The following ARHGAP32 variants were observed in gnomAD, a reference collection of about 807,000 sequenced individuals.
ARHGAP32 encodes the protein Rho GTPase activating protein 32.
Under a neutral mutation model 186.5 loss-of-function variants are expected in ARHGAP32, and 51 were observed. The observed-to-expected ratio is 0.27, with a 90% CI of 0.22 to 0.35. The LOEUF is 0.35. Ranked by LOEUF, ARHGAP32 falls within the 10% of genes least tolerant of loss-of-function variation. ARHGAP32 has a pLI of 1.00. For synonymous variants in ARHGAP32, 950 were observed against 964.3 expected (o/e 0.99, Z 0.27); for missense variants, 2,186 against 2,623.5 (o/e 0.83, Z 3.64).
chr11:129,105,315 C>A (rs1433467875), intron 5 of ARHGAP32, among the ~76,000 whole-genome samples: 1 of 152,060 alleles, frequency 6.6e-6, no homozygotes, highest in African/African-American at 2.4e-5. Flanking sequence ...CACATACTCA[C>A]AAAAAGCTAA....
rs71057920 is a variant in ARHGAP32, at chr11:129,026,801, G to GAAA, written c.1045+14124_1045+14126dup. 7.2e-4 allele frequency among the ~76,000 whole-genome samples: 79 copies of GAAA among 109,334 alleles called. 2 individuals are homozygous for GAAA. The highest frequency in any genetic ancestry group is 6.2e-3 in the Middle Eastern group (1 of 162). 71.7% of individuals were successfully genotyped at this position (109,334 alleles called of 152,430 possible). ...GGCAACAGAGTGAGACTCCATCTTGGAAAAAAAAAAAAAAAAGGCCAGGTG... is the reference window on the plus strand; with the variant it reads ...GGCAACAGAGTGAGACTCCATCTTGGAAAAAAAAAAAAAAAAAAAGGCCAGGTG... On this transcript the variant is annotated intron_variant, in intron 11 of 22. Coordinates refer to ENST00000682385, the MANE Select transcript of ARHGAP32 (RefSeq NM_001378024.1).
At chr11:129,273,362 G>C (rs766286513) in intron 1 of ARHGAP32, among the ~76,000 whole-genome samples, 1 of 152,150 alleles carries the variant, frequency 6.6e-6, no homozygotes, top group Non-Finnish European at 1.5e-5. Context: ...TGTCAGGATT[G>C]CTATTCCTAC....
intron 9 of ARHGAP32, among the ~76,000 whole-genome samples, chr11:129,063,035 ATGG>A: frequency 6.6e-6 from 1 of 152,116 alleles, no homozygotes; most frequent in African/African-American, 2.4e-5. Context: ...AATATATTCA[ATGG>A]AAGTTATATT....
intron 11 of ARHGAP32, among the ~76,000 whole-genome samples, chr11:129,022,782 G>A (rs1484071065): frequency 1.3e-5 from 2 of 152,050 alleles, no homozygotes; most frequent in Non-Finnish European, 2.9e-5. Context: ...TATCTATCCT[G>A]GAATCAGCAC....
intron 2 of ARHGAP32, among the ~76,000 whole-genome samples, chr11:129,156,800 T>C (rs1338735716): frequency 2.0e-5 from 3 of 152,144 alleles, no homozygotes; most frequent in African/African-American, 7.2e-5. Flanking sequence ...CTCCCAGCAG[T>C]AGTCAACAGA....
chr11:129,278,671 A>G (rs867276061), intron 1 of ARHGAP32, among the ~76,000 whole-genome samples: 1 of 152,036 alleles, frequency 6.6e-6, no homozygotes, highest in Middle Eastern at 3.2e-3. Context: ...CGGGAGCCTA[A>G]GGGAGCAGAG....
intron 1 of ARHGAP32, among the ~76,000 whole-genome samples, chr11:129,181,986 G>C (rs1171234997): frequency 6.6e-6 from 1 of 152,002 alleles, no homozygotes; most frequent in East Asian, 1.9e-4. Flanking sequence ...CAGCCACACA[G>C]AGTATAAAAG....
At chr11:129,279,430 GC>G (rs1172687081), upstream of ARHGAP32, 1 of 146,042 alleles carries the variant, frequency 6.8e-6, no homozygotes, top group Non-Finnish European at 1.5e-5. Context: ...CACCGCGCTC[GC>G]CCTCCCGCGG....
intron 11 of ARHGAP32, among the ~76,000 whole-genome samples, chr11:129,011,607 T>C (rs1322631633): frequency 6.6e-6 from 1 of 152,116 alleles, no homozygotes; most frequent in African/African-American, 2.4e-5. Context: ...ATAGAGAGTT[T>C]ACAAATAAAC....
At position 128,982,832 on chromosome 11, in the gene ARHGAP32, A is replaced by T. The variant is rs1212091522; in HGVS notation, c.1527-896T>A. 2.8e-5 allele frequency among the ~76,000 whole-genome samples: 4 copies of T among 145,238 alleles called. No individual in the cohort carries two copies. The East Asian group carries it at 8.6e-4, about 31-fold the overall frequency. On this transcript the variant is annotated intron_variant, in intron 15 of 22. Transcript: ENST00000682385. Reference sequence around the variant, plus strand: ...TTCAGCCCAGGAAGGTTGAGGCTGCAGTGAGCTGTGATCATGCCACTGCAC... The same window carrying T: ...TTCAGCCCAGGAAGGTTGAGGCTGCTGTGAGCTGTGATCATGCCACTGCAC...
upstream of ARHGAP32, among the ~76,000 whole-genome samples, chr11:129,196,394 TA>T (rs1265706458): frequency 6.6e-6 from 1 of 152,240 alleles, no homozygotes; most frequent in Non-Finnish European, 1.5e-5. Context: ...AACAATACTG[TA>T]TGCCAACTAT....
chr11:129,243,087 G>A (rs11822029), intron 1 of ARHGAP32, among the ~76,000 whole-genome samples: 5,129 of 152,122 alleles, frequency 0.034, 300 homozygotes, highest in African/African-American at 0.12. Context: ...CCCCTACATA[G>A]CACCAAATGA....
intron 14 of ARHGAP32, 90 bp from the exon 15 acceptor site, chr11:128,986,175 C>T: frequency 1.0e-6 from 1 of 991,862 alleles, no homozygotes; most frequent in Non-Finnish European, 1.5e-6. Flanking sequence ...CTGAGATCAA[C>T]TTGCTTTGCT....
Position 128,970,861 on chromosome 11 carries a change from C to T in ARHGAP32, c.4352G>A (p.Ser1451Asn), listed in dbSNP as rs143540671. 2 of 1,614,258 alleles carry T rather than the reference C, an allele frequency of 1.2e-6. No individual in the cohort carries two copies. Among genetic ancestry groups the T allele is most frequent in the Non-Finnish European group, 1.7e-6 (2 of 1,180,052 alleles). Residue 1451 changes from serine (S) to asparagine (N), a missense_variant, in exon 23 of 23, where the codon AGT becomes AAT. Ser to Asn is a conservative substitution (Grantham distance 46, BLOSUM62 1). Coordinates refer to ENST00000682385, the MANE Select transcript of ARHGAP32 (RefSeq NM_001378024.1). The surrounding 1 kb of genome is among the most constrained non-coding windows in gnomAD (Gnocchi z 5.8). ...IHSSSADATS[S>N]SNYHSFVTAS... ...AGTGACAAAGGAATGATAATTTGAA[C>T]TGCTGGTGGCATCTGCACTGCTGGA...
intron 1 of ARHGAP32, among the ~76,000 whole-genome samples, chr11:129,188,877 C>T (rs963547075): frequency 6.6e-6 from 1 of 152,122 alleles, no homozygotes; most frequent in Non-Finnish European, 1.5e-5. Context: ...GTAGCTGCTT[C>T]AAATTATATG....
chr11:129,157,779 C>T (rs907398373), intron 2 of ARHGAP32, among the ~76,000 whole-genome samples: 1 of 152,080 alleles, frequency 6.6e-6, no homozygotes, highest in Non-Finnish European at 1.5e-5. Flanking sequence ...ACATAATTGT[C>T]AGATACACCA....
At position 128,968,548 on chromosome 11, in the gene ARHGAP32, T is replaced by C. The variant is rs536761579; in HGVS notation, c.*359A>G. On this transcript the variant is annotated 3_prime_UTR_variant, in exon 23 of 23. Coordinates refer to ENST00000682385, the MANE Select transcript of ARHGAP32 (RefSeq NM_001378024.1). The stretch of plus-strand genomic sequence containing the variant: ...GAACTGCTCTCAATTATGCAGCAAA[T>C]ACTAAGAAGAAAGGACAATGCTGAA... 1 of 166,668 alleles carries C rather than the reference T, an allele frequency of 6.0e-6. No individual in the cohort carries two copies. The highest frequency in any genetic ancestry group is 1.7e-4 in the East Asian group (1 of 5,892). The allele number at this position is 166,668 out of a possible 1,614,324, so 10.3% of individuals were successfully genotyped here.
chr11:129,264,052 A>C (rs1333540557), intron 1 of ARHGAP32, among the ~76,000 whole-genome samples: 2 of 152,222 alleles, frequency 1.3e-5, no homozygotes, highest in African/African-American at 4.8e-5. Flanking sequence ...AATAGTATTC[A>C]CCCTTAAAAA....
chr11:129,214,357 G>A (rs12223392), intron 1 of ARHGAP32, among the ~76,000 whole-genome samples: 29,325 of 152,168 alleles, frequency 0.19, 3,035 homozygotes, highest in Non-Finnish European at 0.23. Flanking sequence ...TGAGGTCAAC[G>A]AGAAGTCTCT....
Sources: gnomAD v4.1 joint callset for allele counts (sites outside exome capture counted in the v4.1 genomes callset) on GRCh38, gnomAD v4.1.1 for gene constraint, Gnocchi (gnomAD v3.1) non-coding constraint, MANE v1.5 for transcripts, NCBI Gene and HGNC (gene_info 2026-07-23, HGNC 2026-07-21) for gene names.